WWOX: variants seen among roughly 807,000 people sequenced by gnomAD.
The protein encoded by WWOX is WW domain-containing oxidoreductase.
In WWOX, 69 loss-of-function variants were observed where a neutral mutation model predicts 46.2. The ratio of observed to expected loss-of-function variants is 1.49; its 90% CI spans 1.23 to 1.82. The LOEUF is 1.82. Among genes scored for constraint, WWOX ranks in the 40% most tolerant of loss-of-function variants. The pLI is 0.00. For synonymous variants in WWOX, 359 were observed against 202.6 expected (o/e 1.77, Z -6.56); for missense variants, 919 against 542.6 (o/e 1.69, Z -6.89).
intron 8 of WWOX, among the ~76,000 whole-genome samples, chr16:78,578,896 A>C (rs921279632): frequency 4.6e-5 from 7 of 152,300 alleles, no homozygotes; most frequent in African/African-American, 1.7e-4. Flanking sequence ...TCTACAAACA[A>C]ATATTACCTG....
intron 8 of WWOX, among the ~76,000 whole-genome samples, chr16:78,740,424 G>T (rs771871532): frequency 2.0e-5 from 3 of 152,154 alleles, no homozygotes; most frequent in Non-Finnish European, 4.4e-5. Context: ...CCTTTGGCTT[G>T]GACCTTTGGA....
At chr16:79,055,565 A>G (rs1204575139) in intron 8 of WWOX, among the ~76,000 whole-genome samples, 1 of 152,298 alleles carries the variant, frequency 6.6e-6, no homozygotes, top group East Asian at 1.9e-4. Flanking sequence ...GAAAGAAGTT[A>G]CTTCCCATTC....
intron 5 of WWOX, among the ~76,000 whole-genome samples, chr16:78,190,512 T>G (rs1661700764): frequency 6.6e-6 from 1 of 152,162 alleles, no homozygotes; most frequent in Non-Finnish European, 1.5e-5. Flanking sequence ...GGGTACTGAG[T>G]GTCTCCCCGA....
intron 5 of WWOX, among the ~76,000 whole-genome samples, chr16:78,364,989 A>G (rs1392517409): frequency 3.9e-5 from 6 of 152,264 alleles, no homozygotes; most frequent in Middle Eastern, 3.4e-3. Context: ...AGCTGAAGTC[A>G]TAGTATTTTC....
intron 5 of WWOX, among the ~76,000 whole-genome samples, chr16:78,221,641 G>A (rs2036891694): frequency 1.3e-5 from 2 of 152,162 alleles, no homozygotes; most frequent in African/African-American, 2.4e-5. Context: ...CTCATATTTT[G>A]GTATCTGGAA....
In WWOX at chr16:78,339,160, G is replaced by GT. The variant is rs775045428; in HGVS notation, c.517-47692dup. Among the ~76,000 whole-genome samples, 15 of 119,030 alleles carry GT rather than the reference G, an allele frequency of 1.3e-4. 4 individuals carry two copies. The highest frequency in any genetic ancestry group is 1.7e-4 in the African/African-American group (6 of 35,238). The allele number at this position is 119,030 out of a possible 152,430, so 78.1% of individuals were successfully genotyped here. On this transcript the variant is annotated intron_variant, in intron 5 of 8. Transcript: ENST00000566780. ...ATGTATAATGATGTTTAAGAAGACA[G>GT]TTTTTTTTGTTTAAATTGTTATAAA...
chr16:78,226,624 C>G (rs4887946), intron 5 of WWOX, among the ~76,000 whole-genome samples: 1 of 151,366 alleles, frequency 6.6e-6, no homozygotes, highest in Non-Finnish European at 1.5e-5. Flanking sequence ...TTGTATAGCT[C>G]AGGTCTCACT....
At chr16:78,598,257 A>G (rs1275217450) in intron 8 of WWOX, among the ~76,000 whole-genome samples, 1 of 152,204 alleles carries the variant, frequency 6.6e-6, no homozygotes, top group East Asian at 1.9e-4. Flanking sequence ...TTCTAGAACC[A>G]GTTAAAACCA....
intron 4 of WWOX, among the ~76,000 whole-genome samples, chr16:78,155,645 C>G (rs751717388): frequency 3.3e-5 from 5 of 152,300 alleles, no homozygotes; most frequent in Admixed American, 6.5e-5. Context: ...CTTGCCATCT[C>G]CATGCAGTTA....
At chr16:79,069,940 T>A (rs549062879) in intron 8 of WWOX, among the ~76,000 whole-genome samples, 199 of 152,336 alleles carry the variant, frequency 1.3e-3, no homozygotes, top group African/African-American at 4.6e-3. Context: ...CAAACCTTTG[T>A]GTCACATATT....
intron 5 of WWOX, among the ~76,000 whole-genome samples, chr16:78,318,567 A>C (rs2080400922): frequency 1.3e-5 from 2 of 152,194 alleles, no homozygotes; most frequent in South Asian, 4.1e-4. Flanking sequence ...CTTGGATTCC[A>C]GTAGCTTTGG....
rs556488981 is a variant in WWOX, at chr16:78,729,096, A to G, written c.1056+296344A>G. The stretch of plus-strand genomic sequence containing the variant: ...AGTGGCTCATGCCTGCAATCCCAGC[A>G]CTTTGGGAGGCTGAGGCAGGCGGAT... On this transcript the variant is annotated intron_variant, in intron 8 of 8. Transcript: ENST00000566780. 5.9e-5 allele frequency among the ~76,000 whole-genome samples: 9 copies of G among 152,284 alleles called. No homozygotes were observed. In the East Asian group the frequency reaches 1.7e-3, roughly 30 times the overall value.
chr16:78,737,066 C>G (rs1384537753), intron 8 of WWOX, among the ~76,000 whole-genome samples: 1 of 151,744 alleles, frequency 6.6e-6, no homozygotes, highest in East Asian at 1.9e-4. Context: ...TTTTTTTGGT[C>G]GTTCCTTGCT....
chr16:78,893,539 A>T (rs1003983601), intron 8 of WWOX, among the ~76,000 whole-genome samples: 1 of 151,920 alleles, frequency 6.6e-6, no homozygotes, highest in Admixed American at 6.6e-5. Context: ...TCCTCCACCC[A>T]CTCCTCTCTC....
At chr16:79,143,933 C>G (rs2050137345) in intron 8 of WWOX, among the ~76,000 whole-genome samples, 1 of 152,166 alleles carries the variant, frequency 6.6e-6, no homozygotes, top group Admixed American at 6.5e-5. Context: ...GAGACTGGGT[C>G]TTGCTATGTT....
intron 8 of WWOX, among the ~76,000 whole-genome samples, chr16:78,592,623 A>C (rs1394688217): frequency 2.0e-5 from 3 of 152,206 alleles, no homozygotes; most frequent in Non-Finnish European, 2.9e-5. Flanking sequence ...CTGGAAGACA[A>C]GGCCTGGCAT....
chr16:79,128,524 A>G (rs2049808566), intron 8 of WWOX, among the ~76,000 whole-genome samples: 1 of 152,168 alleles, frequency 6.6e-6, no homozygotes, highest in Non-Finnish European at 1.5e-5. Flanking sequence ...TCACACAGCT[A>G]TTAAGGAATG....
intron 8 of WWOX, among the ~76,000 whole-genome samples, chr16:78,851,091 C>T (rs1158088955): frequency 1.3e-5 from 2 of 152,104 alleles, no homozygotes; most frequent in African/African-American, 2.4e-5. Flanking sequence ...GACTTAATTT[C>T]CAGAAGCTTG....
chr16:79,137,986 A>T (rs2050015811), intron 8 of WWOX, among the ~76,000 whole-genome samples: 1 of 152,036 alleles, frequency 6.6e-6, no homozygotes, highest in Admixed American at 6.5e-5. Context: ...ATGAAGATAG[A>T]CCCGTTTACA....
Sources: allele counts gnomAD v4.1 joint callset (sites outside exome capture counted in the v4.1 genomes callset), GRCh38; gene constraint gnomAD v4.1.1; transcripts MANE v1.5; gene names NCBI Gene and HGNC (gene_info 2026-07-23, HGNC 2026-07-21).